Variants in GRID2 observed in about 807,000 individuals in gnomAD.
GRID2 encodes glutamate ionotropic receptor delta type subunit 2.
In GRID2, 33 loss-of-function variants were observed where a neutral mutation model predicts 114.8. The ratio of observed to expected loss-of-function variants is 0.29; its 90% CI spans 0.22 to 0.38. The LOEUF is 0.38. Ranked by LOEUF, GRID2 falls within the 10% of genes least tolerant of loss-of-function variation. The pLI is 1.00. For missense variants in GRID2, 1,184 were observed against 1,257.7 expected, an observed-to-expected ratio of 0.94 and a Z score of 0.89; for synonymous variants, 505 against 449.9, an observed-to-expected ratio of 1.12 and a Z score of -1.55.
At chr4:93,274,987 A>G (rs1292294774) in intron 8 of GRID2, among the ~76,000 whole-genome samples, 1 of 152,016 alleles carries the variant, frequency 6.6e-6, no homozygotes, top group Admixed American at 6.6e-5. Context: ...CCACAAAGTT[A>G]TTCAACCCTC....
At chr4:93,450,499 G>A (rs1485410409) in intron 10 of GRID2, among the ~76,000 whole-genome samples, 2 of 151,648 alleles carry the variant, frequency 1.3e-5, no homozygotes, top group Non-Finnish European at 3.0e-5. Context: ...TTATATTCAA[G>A]AATAAATTAG....
chr4:93,489,300 G>A (rs1466509094), intron 11 of GRID2, among the ~76,000 whole-genome samples: 2 of 151,878 alleles, frequency 1.3e-5, no homozygotes, highest in Non-Finnish European at 1.5e-5. Flanking sequence ...ATAACCATTT[G>A]CAAATGCAAG....
intron 1 of GRID2, among the ~76,000 whole-genome samples, chr4:92,340,740 A>G (rs1727438553): frequency 6.6e-6 from 1 of 152,224 alleles, no homozygotes; most frequent in Admixed American, 6.5e-5. Context: ...AGCATATTGC[A>G]TTGCAATTAC....
intron 1 of GRID2, among the ~76,000 whole-genome samples, chr4:92,541,178 G>A (rs925416610): frequency 1.3e-5 from 2 of 152,038 alleles, no homozygotes; most frequent in Non-Finnish European, 2.9e-5. Flanking sequence ...AGCATTAGTA[G>A]ATATATCTAA....
Position 93,160,191 on chromosome 4 carries a change from C to G in GRID2, c.736-47213C>G, listed in dbSNP as rs1737559963. Among the ~76,000 whole-genome samples, 5 of 151,644 alleles carry G rather than the reference C, an allele frequency of 3.3e-5. No homozygotes were observed. The South Asian group carries it at 8.3e-4, about 25-fold the overall frequency. The stretch of plus-strand genomic sequence containing the variant: ...TGTAAAACACAGGCCATGAGCATTC[C>G]TTTTTGGATTGACAAGGAAACAAGA... On this transcript the variant is annotated intron_variant, in intron 4 of 15. Transcript: ENST00000282020.
intron 1 of GRID2, among the ~76,000 whole-genome samples, chr4:92,480,786 G>T (rs1722551174): frequency 6.6e-6 from 1 of 152,046 alleles, no homozygotes; most frequent in Non-Finnish European, 1.5e-5. Flanking sequence ...CATATCTTTT[G>T]GGGGTGCCAT....
intron 2 of GRID2, among the ~76,000 whole-genome samples, chr4:92,855,207 G>A (rs1321550058): frequency 6.6e-6 from 1 of 151,964 alleles, no homozygotes; most frequent in Admixed American, 6.6e-5. Context: ...GTGTAAAGAT[G>A]ACTGACTTAA....
At chr4:92,561,579 T>C (rs901010845) in intron 1 of GRID2, among the ~76,000 whole-genome samples, 7 of 152,218 alleles carry the variant, frequency 4.6e-5, no homozygotes, top group Non-Finnish European at 1.0e-4. Flanking sequence ...GTGCATCTTT[T>C]AAATATTAAT....
chr4:93,481,533 C>T (rs1362902719), intron 11 of GRID2, among the ~76,000 whole-genome samples: 1 of 152,090 alleles, frequency 6.6e-6, no homozygotes, highest in Non-Finnish European at 1.5e-5. Context: ...TTAAGTTTCT[C>T]ATTTGCACTC....
intron 13 of GRID2, among the ~76,000 whole-genome samples, chr4:93,532,140 G>A (rs1193615380): frequency 6.6e-6 from 1 of 152,158 alleles, no homozygotes; most frequent in Non-Finnish European, 1.5e-5. Context: ...TACCCCAACA[G>A]AGGGATAATG....
At chr4:93,156,958 G>A (rs545333924) in intron 4 of GRID2, among the ~76,000 whole-genome samples, 1 of 151,876 alleles carries the variant, frequency 6.6e-6, no homozygotes, top group Non-Finnish European at 1.5e-5. Flanking sequence ...AGAAACTCAA[G>A]TGGACACAAT....
In GRID2 at chr4:92,590,128, T is replaced by C. The variant is rs1341549279; in HGVS notation, c.89-3T>C. Reference sequence around the variant, plus strand: ...TTTAATGGCAAAATTCACTTCTTTCTAGGAGCAATTTTTGATGAATCTGCC... The same window carrying C: ...TTTAATGGCAAAATTCACTTCTTTCCAGGAGCAATTTTTGATGAATCTGCC... On this transcript the variant is annotated splice_region_variant and splice_polypyrimidine_tract_variant and intron_variant, in intron 1 of 15. Coordinates refer to ENST00000282020, the MANE Select transcript of GRID2 (RefSeq NM_001510.4). 6.2e-7 allele frequency: 1 copy of C among 1,604,786 alleles called. No homozygotes were observed. Among genetic ancestry groups the C allele is most frequent in the Non-Finnish European group, 8.5e-7 (1 of 1,172,030 alleles).
At chr4:93,752,528 G>A (rs897946926) in intron 14 of GRID2, among the ~76,000 whole-genome samples, 1 of 151,918 alleles carries the variant, frequency 6.6e-6, no homozygotes, top group African/African-American at 2.4e-5. Context: ...CTGCCACCAC[G>A]CCCGGCTAAT....
intron 13 of GRID2, among the ~76,000 whole-genome samples, chr4:93,558,475 T>G (rs1213523551): frequency 6.6e-6 from 1 of 152,158 alleles, no homozygotes; most frequent in Non-Finnish European, 1.5e-5. Flanking sequence ...GCAAATAAAC[T>G]AGAAAATCTA....
intron 2 of GRID2, among the ~76,000 whole-genome samples, chr4:93,008,225 G>C (rs1316008566): frequency 6.6e-6 from 1 of 151,882 alleles, no homozygotes; most frequent in Admixed American, 6.6e-5. Flanking sequence ...TAAAAAATGA[G>C]GGTGACTAAA....
intron 13 of GRID2, among the ~76,000 whole-genome samples, chr4:93,543,302 T>A (rs1184351116): frequency 6.6e-6 from 1 of 152,178 alleles, no homozygotes; most frequent in East Asian, 1.9e-4. Context: ...AAATATGAAG[T>A]ACTTGACTGT....
rs6828016 is a variant in GRID2 at position 92,636,461 on chromosome 4, A to T, written c.244+46175A>T. On this transcript the variant is annotated intron_variant, in intron 2 of 15. Transcript: ENST00000282020. ...TTAAGAATCATGTTAATTCAAAAAT[A>T]AAAAAGTTCCAATATTTTTGCTCAC... Among the ~76,000 whole-genome samples, 1,467 of 152,170 alleles carry T rather than the reference A, an allele frequency of 9.6e-3. 20 individuals carry two copies. The highest frequency in any genetic ancestry group is 0.034 in the African/African-American group (1,395 of 41,542).
chr4:92,738,975 C>G (rs577324590), intron 2 of GRID2, among the ~76,000 whole-genome samples: 257 of 152,174 alleles, frequency 1.7e-3, no homozygotes, highest in African/African-American at 5.9e-3. Flanking sequence ...GTATGATTTT[C>G]TTTAATAATT....
At chr4:93,699,479 T>C (rs2110135327) in intron 14 of GRID2, among the ~76,000 whole-genome samples, 1 of 152,264 alleles carries the variant, frequency 6.6e-6, no homozygotes, top group Non-Finnish European at 1.5e-5. Flanking sequence ...ATGCTGGATG[T>C]ACTTTCCTCA....
Sources: allele counts gnomAD v4.1 joint callset (sites outside exome capture counted in the v4.1 genomes callset), GRCh38; gene constraint gnomAD v4.1.1; transcripts MANE v1.5; gene names NCBI Gene and HGNC (gene_info 2026-07-23, HGNC 2026-07-21).